The following GGTA1 variants were observed in gnomAD, a reference collection of about 807,000 sequenced individuals.
The protein encoded by GGTA1 is inactive N-acetyllactosaminide alpha-1,3-galactosyltransferase.
Under a neutral mutation model 2.6 loss-of-function variants are expected in GGTA1, and 5 were observed. The ratio of observed to expected loss-of-function variants is 1.92; its 90% CI spans 1.00 to 4.04. The LOEUF (loss-of-function observed/expected upper bound fraction) is 4.04, where lower values mean the gene tolerates loss of function less well. Ranked by LOEUF, GGTA1 falls within the 30% of genes most tolerant of loss-of-function variation. The probability of loss-of-function intolerance (pLI) is 0.00; values close to 1 mark genes in which losing one functional copy is unlikely to be tolerated. For synonymous variants in GGTA1, 17 were observed against 5.0 expected (o/e 3.38, Z -3.19); for missense variants, 50 against 16.7 (o/e 2.99, Z -3.47).
At chr9:121,481,321 C>T (rs139315408) in intron 1 of GGTA1, among the ~76,000 whole-genome samples, 58 of 152,268 alleles carry the variant, frequency 3.8e-4, no homozygotes, top group African/African-American at 1.3e-3. Flanking sequence ...ATCTCACACA[C>T]ACAGCACTGA....
At chr9:121,470,262 T>C (rs1367013921) in intron 1 of GGTA1, among the ~76,000 whole-genome samples, 1 of 152,172 alleles carries the variant, frequency 6.6e-6, no homozygotes, top group Non-Finnish European at 1.5e-5. Context: ...AGAGAATTGA[T>C]AGGATTTGGC....
chr9:121,460,091 C>A lies in GGTA1; in HGVS notation c.298+13G>T. Reference sequence around the variant, plus strand: ...TGGATTTGCTGCACAGGGAGTGACGCCGCTTTTCTTACTTTGGATTAAACC... The same window carrying A: ...TGGATTTGCTGCACAGGGAGTGACGACGCTTTTCTTACTTTGGATTAAACC... On this transcript the variant is annotated intron_variant, in intron 5 of 5. Coordinates refer to ENST00000481799, the MANE Select transcript of GGTA1 (RefSeq NM_001382585.1). The A allele has an allele frequency of 2.2e-6, 1 of 456,652 alleles. No individual in the cohort carries two copies. Among genetic ancestry groups the A allele is most frequent in the Non-Finnish European group, 4.4e-6 (1 of 226,946 alleles). The allele number at this position is 456,652 out of a possible 1,614,324, so 28.3% of individuals were successfully genotyped here. A position where few individuals can be genotyped will look rare whatever the true frequency, so the allele number is the denominator to read the frequency against.
chr9:121,496,757 A>AGTG, intron 1 of GGTA1, among the ~76,000 whole-genome samples: 1 of 112,006 alleles, frequency 8.9e-6, no homozygotes, highest in South Asian at 2.6e-4. Context: ...AAAAAAAAAA[A>AGTG]AGAGAGAGAG....
rs1482072666 is a variant in GGTA1, at chr9:121,463,333, A to C, written c.81-5T>G. On this transcript the variant is annotated splice_region_variant and splice_polypyrimidine_tract_variant and intron_variant, in intron 2 of 5. Transcript: ENST00000481799. ...CACAAGAAAGAGCCTTCTGTGCTAA[A>C]AGCAAAAAAGAAATAAAAACATATC... 6.6e-6 allele frequency: 3 copies of C among 452,222 alleles called. No homozygotes were observed. In the East Asian group the frequency reaches 2.1e-4, roughly 32 times the overall value. The allele number at this position is 452,222 out of a possible 1,614,324, so 28.0% of individuals were successfully genotyped here.
At chr9:121,457,409 A>G (rs1429418909) in intron 5 of GGTA1, among the ~76,000 whole-genome samples, 1 of 152,142 alleles carries the variant, frequency 6.6e-6, no homozygotes, top group Non-Finnish European at 1.5e-5. Flanking sequence ...ACATTGGAAA[A>G]TGGTGTATAA....
chr9:121,494,959 CT>C (rs1173163308), intron 1 of GGTA1: 1 of 120,306 alleles, frequency 8.3e-6, no homozygotes, highest in Non-Finnish European at 1.7e-5. Flanking sequence ...GAGCCTTGCT[CT>C]GTCACTCAGG....
chr9:121,470,161 C>T (rs1248658575), intron 1 of GGTA1, among the ~76,000 whole-genome samples: 3 of 152,138 alleles, frequency 2.0e-5, no homozygotes, highest in Non-Finnish European at 4.4e-5. Flanking sequence ...ACTGGACTGA[C>T]CATCACATAA....
At chr9:121,473,055 C>T (rs1828426368) in intron 1 of GGTA1, among the ~76,000 whole-genome samples, 1 of 152,146 alleles carries the variant, frequency 6.6e-6, no homozygotes, top group African/African-American at 2.4e-5. Context: ...TGACCGGGTG[C>T]AAACCTGTAA....
At chr9:121,451,470 C>T (rs2064878033), downstream of GGTA1, among the ~76,000 whole-genome samples, 1 of 152,200 alleles carries the variant, frequency 6.6e-6, no homozygotes, top group African/African-American at 2.4e-5. Flanking sequence ...CAGATGTGAG[C>T]CACCGCACCT....
intron 4 of GGTA1, 38 bp from the exon 5 acceptor site, chr9:121,460,257 A>G (rs1328024010): frequency 1.1e-5 from 5 of 456,816 alleles, no homozygotes; most frequent in Non-Finnish European, 2.2e-5. Context: ...TAAGGCAGGG[A>G]AGGTGATTGC....
intron 1 of GGTA1, among the ~76,000 whole-genome samples, chr9:121,479,875 C>T (rs1051940785): frequency 2.0e-5 from 3 of 152,100 alleles, no homozygotes; most frequent in South Asian, 2.1e-4. Context: ...TAGAATGTTA[C>T]GGGATCTCCC....
chr9:121,489,115 A>C (rs1306493133), intron 1 of GGTA1, among the ~76,000 whole-genome samples: 1 of 152,248 alleles, frequency 6.6e-6, no homozygotes, highest in African/African-American at 2.4e-5. Context: ...TAAAAAATTT[A>C]ATTATGTAAA....
chr9:121,447,701 T>C (rs1056374288), intron 7 of GGTA1: 4 of 152,162 alleles, frequency 2.6e-5, no homozygotes, highest in Admixed American at 6.5e-5. Context: ...AACCACATGC[T>C]GGGATTCCTG....
chr9:121,470,317 T>C (rs552031075), intron 1 of GGTA1, among the ~76,000 whole-genome samples: 2 of 152,276 alleles, frequency 1.3e-5, no homozygotes, highest in East Asian at 3.9e-4. Flanking sequence ...AGAAACAAGG[T>C]TTCTGTCTAA....
intron 1 of GGTA1, among the ~76,000 whole-genome samples, chr9:121,475,497 T>C (rs547122597): frequency 6.6e-6 from 1 of 152,290 alleles, no homozygotes; most frequent in South Asian, 2.1e-4. Context: ...GAACCCTCTC[T>C]TGGGGTCTGG....
chr9:121,465,102 G>T (rs2064995601), intron 2 of GGTA1, among the ~76,000 whole-genome samples: 1 of 152,188 alleles, frequency 6.6e-6, no homozygotes. Context: ...CCAGAGTCCA[G>T]GTGCCAGACG....
rs368920135 is a variant in GGTA1 at position 121,492,725 on chromosome 9, C to T, written c.-10+6925G>A. ...CCTACCTCAGGTGATCCGCCCGCCT[C>T]GGCCTCCCAAAGTGCTGGGATTACA... On this transcript the variant is annotated intron_variant, in intron 1 of 5. Transcript: ENST00000481799. Among the ~76,000 whole-genome samples the T allele has an allele frequency of 8.3e-3, 1,265 of 152,110 alleles. 16 individuals are homozygous for T. The highest frequency in any genetic ancestry group is 0.029 in the African/African-American group (1,203 of 41,538).
chr9:121,464,324 GTTTTT>G (rs10681377), intron 2 of GGTA1, among the ~76,000 whole-genome samples: 1 of 111,896 alleles, frequency 8.9e-6, no homozygotes, highest in Non-Finnish European at 1.7e-5. Flanking sequence ...CCTCCTTGAG[GTTTTT>G]TTTTTTTTTT....
intron 1 of GGTA1, among the ~76,000 whole-genome samples, chr9:121,493,657 AT>A (rs140867677): frequency 0.28 from 41,063 of 147,132 alleles, 6,102 homozygotes; most frequent in Middle Eastern, 0.39. Flanking sequence ...TCCAGGATCC[AT>A]TTTTTTCTAC....
Sources: gnomAD v4.1 joint callset for allele counts (sites outside exome capture counted in the v4.1 genomes callset) on GRCh38, gnomAD v4.1.1 for gene constraint, MANE v1.5 for transcripts, NCBI Gene and HGNC (gene_info 2026-07-23, HGNC 2026-07-21) for gene names.